COL7A1: variants seen among roughly 807,000 people sequenced by gnomAD.
The protein encoded by COL7A1 is collagen alpha-1(VII) chain.
COL7A1 carries 296 observed loss-of-function variants against 456.2 expected under a neutral mutation model. The observed-to-expected ratio is 0.65, with a 90% CI of 0.59 to 0.71. The LOEUF (loss-of-function observed/expected upper bound fraction) is 0.71. Among genes scored for constraint, COL7A1 ranks in the 30% least tolerant of loss-of-function variants. The probability of loss-of-function intolerance (pLI) is 0.00; values close to 1 mark genes in which losing one functional copy is unlikely to be tolerated. For synonymous variants in COL7A1, 1,464 were observed against 1,525.9 expected (o/e 0.96, Z 0.95); for missense variants, 3,441 against 4,017.2 (o/e 0.86, Z 3.88).
In COL7A1 at chr3:48,587,479, G is replaced by A. The variant is rs1212503154; in HGVS notation, c.2933C>T (p.Pro978Leu). ...GATGTAGCTGGATGCCCTGGACACT[G>A]GAGTCCAGGCCAAAGTCACCGAGTC... ...SIDSVTLAWTPVSRASSYILS... is the reference protein window; with the variant it reads ...SIDSVTLAWTLVSRASSYILS... The change falls in exon 23 of 119, where the codon CCA becomes CTA. Residue 978 changes from proline (P) to leucine (L), a missense_variant. Pro to Leu is a moderately conservative substitution (Grantham distance 98). Coordinates refer to ENST00000681320, the MANE Select transcript of COL7A1 (RefSeq NM_000094.4). The surrounding 1 kb of genome is among the most constrained non-coding windows in gnomAD (Gnocchi z 6.1). The A allele has an allele frequency of 6.2e-7, 1 of 1,613,282 alleles. No homozygotes were observed. The highest frequency in any genetic ancestry group is 2.2e-5 in the East Asian group (1 of 44,886).
Position 48,581,657 on chromosome 3 carries a change from A to G in COL7A1, c.4723-25T>C, listed in dbSNP as rs1224950283. On this transcript the variant is annotated intron_variant, in intron 49 of 118. Coordinates refer to ENST00000681320, the MANE Select transcript of COL7A1 (RefSeq NM_000094.4). The surrounding 1 kb of genome is among the most constrained non-coding windows in gnomAD (Gnocchi z 5.8). ...CCTGTGGATGGAAGGATAAGAAGTC[A>G]GGAAGACAACCTTCACCAACTGCCC... 1.2e-6 allele frequency: 2 copies of G among 1,614,180 alleles called. No homozygotes were observed. Among genetic ancestry groups the G allele is most frequent in the Non-Finnish European group, 8.5e-7 (1 of 1,180,020 alleles).
At position 48,594,831 on chromosome 3, in the gene COL7A1, A is replaced by C. The variant is rs2045964182; in HGVS notation, c.85+244T>G. Among the ~76,000 whole-genome samples the C allele has an allele frequency of 6.6e-6, 1 of 152,104 alleles. No homozygotes were observed. The highest frequency in any genetic ancestry group is 2.4e-5 in the African/African-American group (1 of 41,414). ...CCTCTAGGGGCCGGCGTGGATTGGC[A>C]TAAGGCAGGGGACCCCGCACGCATC... On this transcript the variant is annotated intron_variant, in intron 2 of 118. Coordinates refer to ENST00000681320, the MANE Select transcript of COL7A1 (RefSeq NM_000094.4). The surrounding 1 kb of genome is among the most constrained non-coding windows in gnomAD (Gnocchi z 5.5).
At position 48,594,212 on chromosome 3, in the gene COL7A1, C is replaced by T. The variant is rs968091229; in HGVS notation, c.266+156G>A. On this transcript the variant is annotated intron_variant, in intron 3 of 118. Coordinates refer to ENST00000681320, the MANE Select transcript of COL7A1 (RefSeq NM_000094.4). The surrounding 1 kb of genome is among the most constrained non-coding windows in gnomAD (Gnocchi z 5.5). ...GGTTCTACCTAGGGAATCCTTACCTCTGTCTCCAAAGGAGGTCCTGGCTAG... is the reference window on the plus strand; with the variant it reads ...GGTTCTACCTAGGGAATCCTTACCTTTGTCTCCAAAGGAGGTCCTGGCTAG... 6.6e-6 allele frequency among the ~76,000 whole-genome samples: 1 copy of T among 152,190 alleles called. No homozygotes were observed. The highest frequency in any genetic ancestry group is 1.5e-5 in the Non-Finnish European group (1 of 67,998).
Position 48,588,981 on chromosome 3 carries a change from C to T in COL7A1, c.2329G>A (p.Gly777Ser). The T allele has an allele frequency of 6.2e-7, 1 of 1,613,496 alleles. No individual in the cohort carries two copies. ...VVVRTAPEPV[G>S]RVSRLQILNA... ...AGGATCTGCAGCCTCGACACACGAC[C>T]CACAGGCTCAGGGGCTGGGGACAGA... is the stretch of plus-strand genomic sequence containing the variant. Residue 777 changes from glycine (G) to serine (S), a missense_variant, in exon 19 of 119, where the codon GGT (glycine) becomes AGT (serine). By Grantham distance (56) the Gly-to-Ser change is moderately conservative. Coordinates refer to ENST00000681320, the MANE Select transcript of COL7A1 (RefSeq NM_000094.4). This position sits in a 1 kb window ranked among gnomAD's most constrained non-coding sequence, Gnocchi z 4.6.
Position 48,565,391 on chromosome 3 carries a change from C to G in COL7A1, c.8527+19G>C. 1.3e-6 allele frequency: 2 copies of G among 1,594,606 alleles called. No individual in the cohort carries two copies. Among genetic ancestry groups the G allele is most frequent in the Non-Finnish European group, 1.7e-6 (2 of 1,170,086 alleles). On this transcript the variant is annotated intron_variant, in intron 116 of 118. Coordinates refer to ENST00000681320, the MANE Select transcript of COL7A1 (RefSeq NM_000094.4). The surrounding 1 kb of genome is among the most constrained non-coding windows in gnomAD (Gnocchi z 4.5). Reference sequence around the variant, plus strand: ...CTCGGCCCCACCCATAGCTGCCCCACGGGTTCAGCTGTCCTCACCTTCCTC... The same window carrying G: ...CTCGGCCCCACCCATAGCTGCCCCAGGGGTTCAGCTGTCCTCACCTTCCTC...
chr3:48,593,145 C>A lies in COL7A1; in HGVS notation c.639G>T (p.Arg213=), dbSNP rs1433516825. The change falls in exon 6 of 119, where the codon CGG becomes CGT. Residue 213 remains arginine, a synonymous_variant. Coordinates refer to ENST00000681320, the MANE Select transcript of COL7A1 (RefSeq NM_000094.4). The surrounding 1 kb of genome is among the most constrained non-coding windows in gnomAD (Gnocchi z 4.4). ...CGCCACCAGCAGTCGTGCACACTCT[C>A]CGGGAAACGAGGGGCAGTAGTGTCC... ...ILRTLLPLVS[R]RVCTTAGGVP... The A allele has an allele frequency of 6.2e-7, 1 of 1,614,122 alleles. No individual in the cohort carries two copies. Among genetic ancestry groups the A allele is most frequent in the Non-Finnish European group, 8.5e-7 (1 of 1,180,026 alleles).
chr3:48,580,952 T>C lies in COL7A1; in HGVS notation c.4936-26A>G. ...CTGGTGATAGAGAGAAAAGTCATACTGCACAGGGCAGTCAGGATCTAACTC... is the reference window on the plus strand; with the variant it reads ...CTGGTGATAGAGAGAAAAGTCATACCGCACAGGGCAGTCAGGATCTAACTC... On this transcript the variant is annotated intron_variant, in intron 53 of 118. Transcript: ENST00000681320. This position sits in a 1 kb window ranked among gnomAD's most constrained non-coding sequence, Gnocchi z 4.5. 6.2e-7 allele frequency: 1 copy of C among 1,613,844 alleles called. No individual in the cohort carries two copies. Among genetic ancestry groups the C allele is most frequent in the Non-Finnish European group, 8.5e-7 (1 of 1,179,870 alleles).
At position 48,583,740 on chromosome 3, in the gene COL7A1, G is replaced by T; in HGVS notation, c.4319C>A (p.Pro1440His). Reference sequence around the variant, plus strand: ...TACTTTTTCTCCTTTCTTTCCAGGGGGGCCAACGGGGCCTTGGGGTCCAGG... The same window carrying T: ...TACTTTTTCTCCTTTCTTTCCAGGGTGGCCAACGGGGCCTTGGGGTCCAGG... ...GSPGPQGPVGPPGKKGEKGDS... is the reference protein window; with the variant it reads ...GSPGPQGPVGHPGKKGEKGDS... Residue 1440 changes from proline to histidine, a missense_variant, in exon 40 of 119, where the codon CCC (proline) becomes CAC (histidine). Transcript: ENST00000681320. This position sits in a 1 kb window ranked among gnomAD's most constrained non-coding sequence, Gnocchi z 5.1. 1.2e-6 allele frequency: 2 copies of T among 1,614,020 alleles called. No homozygotes were observed. Among genetic ancestry groups the T allele is most frequent in the South Asian group, 1.1e-5 (1 of 91,088 alleles).
rs2043665984 is a variant in COL7A1 at position 48,567,657 on chromosome 3, A to C, written c.7984-21T>G. ...TCCCCCTGGAGAAAAAAAGACATGA[A>C]CTTGGCCCCCGTCCACCCGTGGCCC... is the stretch of plus-strand genomic sequence containing the variant. On this transcript the variant is annotated intron_variant, in intron 108 of 118. Transcript: ENST00000681320. This position sits in a 1 kb window ranked among gnomAD's most constrained non-coding sequence, Gnocchi z 4.3. The C allele has an allele frequency of 1.2e-6, 2 of 1,613,854 alleles. No individual in the cohort carries two copies. Among genetic ancestry groups the C allele is most frequent in the African/African-American group, 2.7e-5 (2 of 74,836 alleles).
Position 48,569,342 on chromosome 3 carries a change from C to G in COL7A1, c.7686+33G>C, listed in dbSNP as rs776003670. 6.2e-7 allele frequency: 1 copy of G among 1,611,264 alleles called. No homozygotes were observed. The highest frequency in any genetic ancestry group is 8.5e-7 in the Non-Finnish European group (1 of 1,177,450). ...TGTGGAACCACCACAGCCACAGGAC[C>G]CCACAGAGAGTACACCACCCTCTTC... On this transcript the variant is annotated intron_variant, in intron 103 of 118. Coordinates refer to ENST00000681320, the MANE Select transcript of COL7A1 (RefSeq NM_000094.4). The surrounding 1 kb of genome is among the most constrained non-coding windows in gnomAD (Gnocchi z 4.9).
Position 48,565,671 on chromosome 3 carries a change from A to G in COL7A1, c.8408-3T>C. The G allele has an allele frequency of 6.2e-7, 1 of 1,612,728 alleles. No homozygotes were observed. Among genetic ancestry groups the G allele is most frequent in the South Asian group, 1.1e-5 (1 of 90,786 alleles). On this transcript the variant is annotated splice_region_variant and splice_polypyrimidine_tract_variant and intron_variant, in intron 114 of 118. Coordinates refer to ENST00000681320, the MANE Select transcript of COL7A1 (RefSeq NM_000094.4). The surrounding 1 kb of genome is among the most constrained non-coding windows in gnomAD (Gnocchi z 4.5). Reference sequence around the variant, plus strand: ...TGCGATGAACTGGCCCTGGCAGGCTAGAGGGGGCAGAGAGGGATAGAGAGA... The same window carrying G: ...TGCGATGAACTGGCCCTGGCAGGCTGGAGGGGGCAGAGAGGGATAGAGAGA...
chr3:48,574,666 A>G lies in COL7A1; in HGVS notation c.6393+11T>C. ...AGGGGGACTCTATGGAAGGGTGGAG[A>G]GAGGCCTCACCCTGTCTCCTTTGGG... On this transcript the variant is annotated intron_variant, in intron 78 of 118. Transcript: ENST00000681320. This position sits in a 1 kb window ranked among gnomAD's most constrained non-coding sequence, Gnocchi z 5.0. 1 of 1,613,852 alleles carries G rather than the reference A, an allele frequency of 6.2e-7. No homozygotes were observed. Among genetic ancestry groups the G allele is most frequent in the Non-Finnish European group, 8.5e-7 (1 of 1,179,978 alleles).
Position 48,578,172 on chromosome 3 carries a change from A to T in COL7A1, c.5532+149T>A, listed in dbSNP as rs570915272. 2.2e-3 allele frequency: 2,144 copies of T among 967,618 alleles called. 13 individuals are homozygous for T. Among genetic ancestry groups the T allele is most frequent in the South Asian group, 2.5e-3 (164 of 66,256 alleles). 59.9% of individuals were successfully genotyped at this position (967,618 alleles called of 1,614,324 possible). A position where few individuals can be genotyped will look rare whatever the true frequency, so the allele number is the denominator to read the frequency against. ...AGAGCGAAACTCCATCTCAAAAAAA[A>T]AAAAACTATGTTTCTGGATGCATCT... On this transcript the variant is annotated intron_variant, in intron 65 of 118. Coordinates refer to ENST00000681320, the MANE Select transcript of COL7A1 (RefSeq NM_000094.4). This position sits in a 1 kb window ranked among gnomAD's most constrained non-coding sequence, Gnocchi z 4.7.
At position 48,576,853 on chromosome 3, in the gene COL7A1, G is replaced by A. The variant is rs760366959; in HGVS notation, c.5604+31C>T. The A allele has an allele frequency of 2.5e-6, 4 of 1,614,068 alleles. No individual in the cohort carries two copies. The South Asian group carries it at 3.3e-5, about 13-fold the overall frequency. ...TATTCCCCCAGGGTCAGGGTCAGGG[G>A]TCAGAGGTTGCAGAAAACTCCAATA... On this transcript the variant is annotated intron_variant, in intron 67 of 118. Transcript: ENST00000681320.
rs748299789 is a variant in COL7A1 at position 48,570,524 on chromosome 3, G to GT, written c.7345-25dup. 39 of 1,613,874 alleles carry GT rather than the reference G, an allele frequency of 2.4e-5. No homozygotes were observed. The highest frequency in any genetic ancestry group is 3.0e-5 in the Non-Finnish European group (35 of 1,179,966). On this transcript the variant is annotated intron_variant, in intron 96 of 118. Transcript: ENST00000681320. This position sits in a 1 kb window ranked among gnomAD's most constrained non-coding sequence, Gnocchi z 5.5. ...CCCTGTAGGTCAGAGTGAGGTGAGG[G>GT]TCCTGTGGCTCTCAAAGCGCCTCCC... is the stretch of plus-strand genomic sequence containing the variant.
Position 48,570,128 on chromosome 3 carries a change from A to C in COL7A1, c.7485+6T>G, listed in dbSNP as rs1025676261. 3.7e-6 allele frequency: 6 copies of C among 1,614,048 alleles called. No individual in the cohort carries two copies. The highest frequency in any genetic ancestry group is 5.1e-6 in the Non-Finnish European group (6 of 1,179,998). ...CAGCACTGTCACTTTCCCCAGCGGGACCCACCGTGAGTCCTCGGGGTCCCT... is the reference window on the plus strand; with the variant it reads ...CAGCACTGTCACTTTCCCCAGCGGGCCCCACCGTGAGTCCTCGGGGTCCCT... On this transcript the variant is annotated splice_donor_region_variant and intron_variant, in intron 99 of 118. Transcript: ENST00000681320. The surrounding 1 kb of genome is among the most constrained non-coding windows in gnomAD (Gnocchi z 5.5).
rs775274847 is a variant in COL7A1, at chr3:48,593,596, T to C, written c.367A>G (p.Ile123Val). 7.4e-6 allele frequency: 12 copies of C among 1,614,188 alleles called. No individual in the cohort carries two copies. Among genetic ancestry groups the C allele is most frequent in the East Asian group, 2.2e-5 (1 of 44,882 alleles). Residue 123 changes from isoleucine to valine, a missense_variant, in exon 4 of 119, where the codon ATT becomes GTT. By Grantham distance (29) the Ile-to-Val change is conservative. Transcript: ENST00000681320. The surrounding 1 kb of genome is among the most constrained non-coding windows in gnomAD (Gnocchi z 4.4). Reference sequence around the variant, plus strand: ...AAGACATGGTCAGCCACATGGAGAATTGCAGCCCCTGTGCGAGTGTTGCCC... The same window carrying C: ...AAGACATGGTCAGCCACATGGAGAACTGCAGCCCCTGTGCGAGTGTTGCCC... Reference protein sequence around the residue: ...KGGNTRTGAAILHVADHVFLP... With the variant: ...KGGNTRTGAAVLHVADHVFLP...
chr3:48,579,448 A>G lies in COL7A1; in HGVS notation c.5271+32T>C, dbSNP rs1335722439. 1 of 1,614,084 alleles carries G rather than the reference A, an allele frequency of 6.2e-7. No homozygotes were observed. Among genetic ancestry groups the G allele is most frequent in the Non-Finnish European group, 8.5e-7 (1 of 1,180,008 alleles). On this transcript the variant is annotated intron_variant, in intron 60 of 118. Transcript: ENST00000681320. This position sits in a 1 kb window ranked among gnomAD's most constrained non-coding sequence, Gnocchi z 4.4. ...GATAAGAGGTGAGGGTAAGATGGGG[A>G]CTTGGCAGACGGGGCAAAGTGCATC...
rs2045990762 is a variant in COL7A1, at chr3:48,595,122, C to G, written c.38G>C (p.Gly13Ala). ...CACTCGGGGCGCCTCTGCCAGGATCCCGGCGCAGAGCGCGGCCACCAGAAG... is the reference window on the plus strand; with the variant it reads ...CACTCGGGGCGCCTCTGCCAGGATCGCGGCGCAGAGCGCGGCCACCAGAAG... ...LRLLVAALCA[G>A]ILAEAPRVRA... The change falls in exon 2 of 119, where the codon GGG (glycine) becomes GCG (alanine). Residue 13 changes from glycine to alanine, a missense_variant. Gly to Ala is a moderately conservative substitution (Grantham distance 60, BLOSUM62 0). Around this residue, in one of 3 missense-constraint regions of COL7A1, gnomAD observed 913 missense variants for 1,088.2 expected, o/e 0.84. Transcript: ENST00000681320. 1 of 1,555,168 alleles carries G rather than the reference C, an allele frequency of 6.4e-7. No homozygotes were observed. Among genetic ancestry groups the G allele is most frequent in the Non-Finnish European group, 8.7e-7 (1 of 1,149,688 alleles).
Sources: gnomAD v4.1 joint callset for allele counts (sites outside exome capture counted in the v4.1 genomes callset) on GRCh38, gnomAD v4.1.1 for gene constraint, gnomAD v4.1.1 regional missense constraint, Gnocchi (gnomAD v3.1) non-coding constraint, MANE v1.5 for transcripts, NCBI Gene and HGNC (gene_info 2026-07-23, HGNC 2026-07-21) for gene names.